Variants in SMG9 observed in about 807,000 individuals in gnomAD.
The protein encoded by SMG9 is SMG9 nonsense mediated mRNA decay factor, also known as nonsense-mediated mRNA decay factor SMG9.
In SMG9, 55 loss-of-function variants were observed where a neutral mutation model predicts 64.0. That is an observed-to-expected ratio of 0.86 (90% CI 0.69 to 1.08). SMG9 has a LOEUF of 1.08. SMG9 is among the 50% of genes least tolerant of loss of function. The probability of loss-of-function intolerance (pLI) is 0.00; values close to 1 mark genes in which losing one functional copy is unlikely to be tolerated. For synonymous variants in SMG9, 244 were observed against 254.8 expected, an observed-to-expected ratio of 0.96 and a Z score of 0.41; for missense variants, 554 against 681.3, an observed-to-expected ratio of 0.81 and a Z score of 2.08.
chr19:43,746,212 C>T (rs907916485), intron 5 of SMG9, among the ~76,000 whole-genome samples: 7 of 152,154 alleles, frequency 4.6e-5, no homozygotes, highest in Admixed American at 1.3e-4. Flanking sequence ...CAGGATTTAA[C>T]GTGCTTTAAC....
chr19:43,737,519 A>G (rs919088920), intron 9 of SMG9, 78 bp downstream of exon 9: 4 of 1,301,004 alleles, frequency 3.1e-6, no homozygotes, highest in Non-Finnish European at 4.3e-6. Context: ...CTGTCCCTTG[A>G]GTCAGTGGCT....
intron 10 of SMG9, chr19:43,734,188 A>C: frequency 1.7e-6 from 1 of 583,608 alleles, no homozygotes; most frequent in South Asian, 2.1e-5. Context: ...TCATGCCCTC[A>C]ACTGTCAGGA....
Position 43,744,786 on chromosome 19 carries a change from TG to T in SMG9, c.686del (p.Pro229GlnfsTer17). ...MVMSLLSANTPEEDQRTYVFR... is the reference protein window; with the variant it reads ...MVMSLLSANTXEEDQRTYVFR... The stretch of plus-strand genomic sequence containing the variant: ...TAGCCCCTCACCTCTGGTCCTCCTC[TG>T]GAGTGTTGGCTGACAACAATGACAT... On this transcript the variant is annotated frameshift_variant, in exon 6 of 14. Transcript: ENST00000270066. LOFTEE classifies it high-confidence loss of function. The T allele has an allele frequency of 6.2e-7, 1 of 1,613,742 alleles. No homozygotes were observed. Among genetic ancestry groups the T allele is most frequent in the Non-Finnish European group, 8.5e-7 (1 of 1,179,758 alleles).
rs75306171 is a variant in SMG9, at chr19:43,729,638, C to A, written c.*1958G>T. On this transcript the variant is annotated 3_prime_UTR_variant, in exon 14 of 14. Transcript: ENST00000270066. ...CCACCACCTTTCCTACTCTGGCAAA[C>A]CCCCAAATCAACCAGCAGGAAGACC... is the stretch of plus-strand genomic sequence containing the variant. 7.0e-3 allele frequency: 1,075 copies of A among 152,508 alleles called. 13 individuals carry two copies. Among genetic ancestry groups the A allele is most frequent in the African/African-American group, 0.025 (1,029 of 41,556 alleles). The allele number at this position is 152,508 out of a possible 1,614,324, so 9.4% of individuals were successfully genotyped here. A position where few individuals can be genotyped will look rare whatever the true frequency, so the allele number is the denominator to read the frequency against.
intron 5 of SMG9, among the ~76,000 whole-genome samples, chr19:43,746,337 C>T (rs1050573738): frequency 6.6e-6 from 1 of 152,164 alleles, no homozygotes; most frequent in Non-Finnish European, 1.5e-5. Flanking sequence ...GTTGTACTAG[C>T]CACATTTCAA....
chr19:43,750,154 C>A (rs747504671), intron 2 of SMG9: 1 of 522,066 alleles, frequency 1.9e-6, no homozygotes, highest in Admixed American at 1.9e-5. Context: ...ATACAAAGTT[C>A]TTTCCAAGGC....
Position 43,733,681 on chromosome 19 carries a change from C to A in SMG9, c.1155G>T (p.Arg385=), listed in dbSNP as rs1189677915. The change falls in exon 11 of 14, where the codon CGG becomes CGT. Residue 385 remains arginine (R), a synonymous_variant. Coordinates refer to ENST00000270066, the MANE Select transcript of SMG9 (RefSeq NM_019108.4). ...GCTGGTCAATCATCAGGTGCATCTG[C>A]CGCAGCTTCCGAGGACAGAAGTCCT... ...RREDFCPRKL[R]QMHLMIDQLM... 1 of 1,614,134 alleles carries A rather than the reference C, an allele frequency of 6.2e-7. No homozygotes were observed. Among genetic ancestry groups the A allele is most frequent in the Admixed American group, 1.7e-5 (1 of 60,012 alleles).
At position 43,750,609 on chromosome 19, in the gene SMG9, A is replaced by G. The variant is rs202142067; in HGVS notation, c.133T>C (p.Trp45Arg). ...GGRERDYIAP[W>R]ERERRDASEE... Reference sequence around the variant, plus strand: ...ACACTCACCCTTCTCTCTCTTTCCCATGGTGCAATGTAGTCCCTCTCCCGA... The same window carrying G: ...ACACTCACCCTTCTCTCTCTTTCCCGTGGTGCAATGTAGTCCCTCTCCCGA... The change falls in exon 2 of 14, where the codon TGG (tryptophan) becomes CGG (arginine). Residue 45 changes from tryptophan (W) to arginine (R), a missense_variant. Transcript: ENST00000270066. 1.9e-4 allele frequency: 309 copies of G among 1,611,880 alleles called. No individual in the cohort carries two copies. Among genetic ancestry groups the G allele is most frequent in the Admixed American group, 6.9e-4 (41 of 59,534 alleles).
chr19:43,742,654 G>A lies in SMG9; in HGVS notation c.701+2118C>T, dbSNP rs1381108700. Among the ~76,000 whole-genome samples, 3 of 152,160 alleles carry A rather than the reference G, an allele frequency of 2.0e-5. No individual in the cohort carries two copies. The East Asian group carries it at 5.8e-4, about 29-fold the overall frequency. On this transcript the variant is annotated intron_variant, in intron 6 of 13. Transcript: ENST00000270066. ...TAGAACAGTGCCTGGCGCATAGTAA[G>A]CAATTAATACAGTACTTGTCAAAAC...
rs139721444 is a variant in SMG9 at position 43,743,338 on chromosome 19, G to C, written c.701+1434C>G. Among the ~76,000 whole-genome samples the C allele has an allele frequency of 5.1e-3, 777 of 152,312 alleles. 8 individuals carry two copies. Among genetic ancestry groups the C allele is most frequent in the South Asian group, 0.025 (123 of 4,824 alleles). ...CTGAGTCATGAGTGAGCAGAGAAGA[G>C]GAGGGAGAGAGGCAGAGGAACCTCA... On this transcript the variant is annotated intron_variant, in intron 6 of 13. Coordinates refer to ENST00000270066, the MANE Select transcript of SMG9 (RefSeq NM_019108.4).
intron 11 of SMG9, 59 bp downstream of exon 11, chr19:43,733,567 G>A (rs1968555946): frequency 9.3e-6 from 15 of 1,604,984 alleles, no homozygotes; most frequent in Middle Eastern, 1.7e-4. Flanking sequence ...ACTGACCCAC[G>A]GGGTTGGATC....
intron 6 of SMG9, among the ~76,000 whole-genome samples, chr19:43,742,971 A>C (rs1267210615): frequency 4.6e-5 from 7 of 152,040 alleles, no homozygotes; most frequent in Non-Finnish European, 1.0e-4. Flanking sequence ...GCTACTCGGG[A>C]GGCTGAGGCA....
In SMG9 at chr19:43,747,536, A is replaced by G; in HGVS notation, c.494T>C (p.Val165Ala). The G allele has an allele frequency of 6.2e-7, 1 of 1,614,132 alleles. No individual in the cohort carries two copies. Among genetic ancestry groups the G allele is most frequent in the Middle Eastern group, 1.6e-4 (1 of 6,062 alleles). ...GTAAPAAMDPVVGQAKLLPPE... is the reference protein window; with the variant it reads ...GTAAPAAMDPAVGQAKLLPPE... Reference sequence around the variant, plus strand: ...GGGCAGTAGTTTGGCCTGACCCACGACAGCTGGAGATTGGAGAAAGCAGGA... The same window carrying G: ...GGGCAGTAGTTTGGCCTGACCCACGGCAGCTGGAGATTGGAGAAAGCAGGA... Residue 165 changes from valine to alanine, a missense_variant, in exon 5 of 14, where the codon GTC becomes GCC. Coordinates refer to ENST00000270066, the MANE Select transcript of SMG9 (RefSeq NM_019108.4).
At chr19:43,733,042 C>T (rs1600189439) in intron 12 of SMG9, 40 bp from the exon 13 acceptor site, 3 of 1,563,858 alleles carry the variant, frequency 1.9e-6, no homozygotes, top group South Asian at 1.2e-5. Context: ...GGATAGACTG[C>T]CAGGGTCTTT....
At chr19:43,738,612 G>C (rs1017557233) in intron 7 of SMG9, among the ~76,000 whole-genome samples, 4 of 151,944 alleles carry the variant, frequency 2.6e-5, no homozygotes, top group Admixed American at 6.6e-5. Context: ...TTTAAAAACT[G>C]CATCAGTATG....
intron 5 of SMG9, among the ~76,000 whole-genome samples, chr19:43,745,528 TCCTTAGAATTA>T (rs1968972175): frequency 6.6e-6 from 1 of 152,180 alleles, no homozygotes; most frequent in Non-Finnish European, 1.5e-5. Flanking sequence ...TGGCTGCTGC[TCCTTAGAATTA>T]CCTTAAAATT....
intron 9 of SMG9, among the ~76,000 whole-genome samples, chr19:43,735,875 T>C (rs1485315681): frequency 6.6e-6 from 1 of 152,216 alleles, no homozygotes; most frequent in African/African-American, 2.4e-5. Context: ...TGTGCCGGCC[T>C]GAGCCAATAC....
At chr19:43,734,169 G>A (rs1445479823) in intron 10 of SMG9, 1 of 575,528 alleles carries the variant, frequency 1.7e-6, no homozygotes, top group African/African-American at 1.9e-5. Context: ...CCAGACACAG[G>A]CTCAGGGGTC....
chr19:43,747,813 GT>G lies in SMG9; in HGVS notation c.309del (p.Arg104GlyfsTer10). The G allele has an allele frequency of 6.2e-7, 1 of 1,604,570 alleles. No individual in the cohort carries two copies. The highest frequency in any genetic ancestry group is 8.5e-7 in the Non-Finnish European group (1 of 1,175,094). On this transcript the variant is annotated frameshift_variant, in exon 4 of 14. Coordinates refer to ENST00000270066, the MANE Select transcript of SMG9 (RefSeq NM_019108.4). LOFTEE classifies it high-confidence loss of function. ...GCCACAGGCCCCTTCCCCTCCTCCC[GT>G]GGCTTCATGAGAACGATGGGCTTCT... Reference protein sequence around the residue: ...PLEKPIVLMKPREEGKGPVAV... With the variant: ...PLEKPIVLMKXREEGKGPVAV...
Sources: allele counts gnomAD v4.1 joint callset (sites outside exome capture counted in the v4.1 genomes callset), GRCh38; gene constraint gnomAD v4.1.1; transcripts MANE v1.5; gene names NCBI Gene and HGNC (gene_info 2026-07-23, HGNC 2026-07-21).